The following MCM9 variants were observed in gnomAD, a reference collection of about 807,000 sequenced individuals.
MCM9 encodes the protein minichromosome maintenance 9 homologous recombination repair factor.
In MCM9, 55 loss-of-function variants were observed where a neutral mutation model predicts 72.8. That is an observed-to-expected ratio of 0.76 (90% confidence interval 0.61 to 0.95). The LOEUF (loss-of-function observed/expected upper bound fraction) is 0.95, where lower values mean the gene tolerates loss of function less well. MCM9 is among the 40% of genes least tolerant of loss of function. The probability of loss-of-function intolerance (pLI) is 0.00; values close to 1 mark genes in which losing one functional copy is unlikely to be tolerated. For missense variants in MCM9, 1,279 were observed against 1,377.0 expected, an observed-to-expected ratio of 0.93 and a Z score of 1.13; for synonymous variants, 480 against 503.4, an observed-to-expected ratio of 0.95 and a Z score of 0.62.
chr6:118,815,592 C>T lies in MCM9; in HGVS notation c.2664G>A (p.Leu888=), dbSNP rs1419512235. The change falls in exon 14 of 14, where the codon CTG becomes CTA. Residue 888 remains leucine, a synonymous_variant. Transcript: ENST00000619706. ...STPVHSPDRM[L]DSPKRKRPKS... ...TCGGTCTCTTTCTTTTGGGTGAGTC[C>T]AGCATTCTGTCTGGGCTATGTACAG... 1 of 1,550,362 alleles carries T rather than the reference C, an allele frequency of 6.5e-7. No homozygotes were observed. Among genetic ancestry groups the T allele is most frequent in the East Asian group, 2.4e-5 (1 of 40,908 alleles).
At chr6:118,933,985 C>CAAAAAAAAA (rs1782681772) in intron 1 of MCM9, among the ~76,000 whole-genome samples, 1 of 55,678 alleles carries the variant, frequency 1.8e-5, no homozygotes, top group African/African-American at 5.1e-5. Context: ...AAAAAAAAAT[C>CAAAAAAAAA]TGGACTCCCA....
At chr6:118,877,027 T>C (rs994641840) in intron 8 of MCM9, among the ~76,000 whole-genome samples, 1 of 152,188 alleles carries the variant, frequency 6.6e-6, no homozygotes, top group African/African-American at 2.4e-5. Flanking sequence ...ATTTCTGACT[T>C]GTTTTCTTGG....
At chr6:118,848,976 T>TA (rs914124038) in intron 9 of MCM9, among the ~76,000 whole-genome samples, 9 of 149,882 alleles carry the variant, frequency 6.0e-5, no homozygotes, top group African/African-American at 2.0e-4. Context: ...CAGTAAGTTT[T>TA]AAAAAAATAA....
chr6:118,887,167 G>A (rs1329918069), intron 8 of MCM9, among the ~76,000 whole-genome samples: 2 of 151,790 alleles, frequency 1.3e-5, no homozygotes, highest in Non-Finnish European at 2.9e-5. Context: ...AAAATTCAAG[G>A]GATGCAAAAT....
chr6:118,843,722 A>ATGTATATATATATGTG (rs537080590), intron 9 of MCM9, among the ~76,000 whole-genome samples: 3 of 81,610 alleles, frequency 3.7e-5, no homozygotes, highest in African/African-American at 1.4e-4. Flanking sequence ...ATATATATGT[A>ATGTATATATATATGTG]TATATATATA....
At chr6:118,917,485 C>G (rs1781057711) in intron 6 of MCM9, 76 bp downstream of exon 6, 3 of 1,408,732 alleles carry the variant, frequency 2.1e-6, no homozygotes, top group Non-Finnish European at 3.0e-6. Flanking sequence ...ATAAGACTGT[C>G]AAATCACAGA....
chr6:118,907,141 A>C (rs567199168), intron 8 of MCM9, among the ~76,000 whole-genome samples: 1 of 152,308 alleles, frequency 6.6e-6, no homozygotes, highest in South Asian at 2.1e-4. Flanking sequence ...GAAGTATAGG[A>C]GTTAAATAGT....
rs143584852 is a variant in MCM9, at chr6:118,833,437, A to G, written c.1326-4187T>C. Among the ~76,000 whole-genome samples the G allele has an allele frequency of 3.3e-3, 505 of 152,320 alleles. 4 individuals are homozygous for G. The highest frequency in any genetic ancestry group is 0.012 in the African/African-American group (489 of 41,572). On this transcript the variant is annotated intron_variant, in intron 9 of 13. Coordinates refer to ENST00000619706, the MANE Select transcript of MCM9 (RefSeq NM_017696.3). ...AGATTGAGCATGAAATCTGCTTTAG[A>G]TGGTGGTAAGGTAGCCACTGTTAAG...
At chr6:118,855,784 C>G (rs1268019580) in intron 9 of MCM9, among the ~76,000 whole-genome samples, 2 of 152,162 alleles carry the variant, frequency 1.3e-5, no homozygotes, top group African/African-American at 4.8e-5. Flanking sequence ...TTTCCTATAA[C>G]CATTTCAGTG....
At chr6:118,889,629 A>C (rs1199108213) in intron 8 of MCM9, among the ~76,000 whole-genome samples, 1 of 152,246 alleles carries the variant, frequency 6.6e-6, no homozygotes, top group Non-Finnish European at 1.5e-5. Context: ...AAAGACCTTG[A>C]TTGATAAGAG....
intron 8 of MCM9, among the ~76,000 whole-genome samples, chr6:118,897,458 C>A (rs981711696): frequency 3.3e-5 from 5 of 150,816 alleles, no homozygotes; most frequent in Non-Finnish European, 5.9e-5. Context: ...ATATATATAT[C>A]TTAATTACAG....
chr6:118,933,336 T>TA (rs1214758630), intron 1 of MCM9, among the ~76,000 whole-genome samples: 32 of 150,118 alleles, frequency 2.1e-4, no homozygotes, highest in Middle Eastern at 3.4e-3. Context: ...CGTTCTCTAC[T>TA]AAAAAAAAAT....
chr6:118,864,612 G>C (rs956667015), intron 8 of MCM9, among the ~76,000 whole-genome samples: 11 of 152,054 alleles, frequency 7.2e-5, no homozygotes, highest in African/African-American at 2.7e-4. Flanking sequence ...ATAGGACCCT[G>C]CCTTAGACAC....
chr6:118,876,629 T>A (rs1777947200), intron 8 of MCM9, among the ~76,000 whole-genome samples: 1 of 152,226 alleles, frequency 6.6e-6, no homozygotes, highest in South Asian at 2.1e-4. Context: ...AAAGGCACAG[T>A]ACTCAAAGAA....
intron 9 of MCM9, among the ~76,000 whole-genome samples, chr6:118,843,033 C>A (rs1775493648): frequency 1.3e-5 from 2 of 152,148 alleles, no homozygotes; most frequent in Admixed American, 6.5e-5. Flanking sequence ...TGACATAAGT[C>A]ACATTTAGTA....
chr6:118,831,395 T>C (rs1461894319), intron 9 of MCM9, among the ~76,000 whole-genome samples: 1 of 147,438 alleles, frequency 6.8e-6, no homozygotes, highest in Admixed American at 6.8e-5. Context: ...AAAATTTGTA[T>C]GCAAAGAAAA....
At chr6:118,868,325 T>C (rs181347863) in intron 8 of MCM9, among the ~76,000 whole-genome samples, 2 of 152,270 alleles carry the variant, frequency 1.3e-5, no homozygotes, top group East Asian at 1.9e-4. Context: ...ACTTTGTGTA[T>C]GTGATAAAAA....
chr6:118,894,575 A>C, intron 8 of MCM9: 1 of 1,438,130 alleles, frequency 7.0e-7, no homozygotes, highest in Non-Finnish European at 9.5e-7. Context: ...GCAGACGTTG[A>C]AAGTTTCCCG....
chr6:118,869,257 T>C (rs1284627773), intron 8 of MCM9, among the ~76,000 whole-genome samples: 1 of 152,020 alleles, frequency 6.6e-6, no homozygotes, highest in African/African-American at 2.4e-5. Flanking sequence ...CCTGGGCCTA[T>C]CTGGGGGTGG....
Sources: allele counts gnomAD v4.1 joint callset (sites outside exome capture counted in the v4.1 genomes callset), GRCh38; gene constraint gnomAD v4.1.1; transcripts MANE v1.5; gene names NCBI Gene and HGNC (gene_info 2026-07-23, HGNC 2026-07-21).